Variants in CTNNA2 observed in about 807,000 individuals in gnomAD.
The protein encoded by CTNNA2 is catenin alpha 2, also known as catenin alpha-2.
In CTNNA2, 42 loss-of-function variants were observed where a neutral mutation model predicts 101.0. The observed-to-expected ratio is 0.42, with a 90% CI of 0.32 to 0.54. The LOEUF (loss-of-function observed/expected upper bound fraction) is 0.54, where lower values mean the gene tolerates loss of function less well. Ranked by LOEUF, CTNNA2 falls within the 20% of genes least tolerant of loss-of-function variation. CTNNA2 has a pLI of 0.14. For missense variants in CTNNA2, 871 were observed against 1,223.1 expected, an observed-to-expected ratio of 0.71 and a Z score of 4.29; for synonymous variants, 450 against 456.4, an observed-to-expected ratio of 0.99 and a Z score of 0.18.
At chr2:80,565,112 T>A (rs915354997) in intron 12 of CTNNA2, among the ~76,000 whole-genome samples, 2 of 150,314 alleles carry the variant, frequency 1.3e-5, no homozygotes, top group African/African-American at 5.0e-5. Context: ...TGAAACTGGG[T>A]GGCTGAGTAG....
chr2:80,171,995 G>C (rs1259407234), intron 7 of CTNNA2, among the ~76,000 whole-genome samples: 1 of 151,952 alleles, frequency 6.6e-6, no homozygotes, highest in Non-Finnish European at 1.5e-5. Context: ...ATGAGGGAAA[G>C]CAAAGAGGAA....
At chr2:79,610,266 T>A (rs1488700139) in intron 1 of CTNNA2, among the ~76,000 whole-genome samples, 1 of 152,130 alleles carries the variant, frequency 6.6e-6, no homozygotes, top group African/African-American at 2.4e-5. Context: ...ACTGCAAGTT[T>A]TTGTGAGAAT....
intron 7 of CTNNA2, among the ~76,000 whole-genome samples, chr2:80,114,756 TG>T (rs1031581509): frequency 6.6e-5 from 10 of 152,178 alleles, no homozygotes; most frequent in African/African-American, 2.4e-4. Flanking sequence ...CTGAGATTTT[TG>T]GGTAGGGCCA....
chr2:80,162,271 A>G (rs1396832956), intron 7 of CTNNA2, among the ~76,000 whole-genome samples: 5 of 152,210 alleles, frequency 3.3e-5, no homozygotes, highest in Non-Finnish European at 5.9e-5. Context: ...GTGAAAGGTT[A>G]TTAATGTAAT....
intron 9 of CTNNA2, among the ~76,000 whole-genome samples, chr2:80,432,949 C>G (rs1210000459): frequency 2.0e-5 from 3 of 152,060 alleles, no homozygotes; most frequent in Non-Finnish European, 2.9e-5. Flanking sequence ...TGTAAAATGT[C>G]ATGACAGTTT....
intron 7 of CTNNA2, among the ~76,000 whole-genome samples, chr2:80,013,717 T>A (rs114638173): frequency 0.012 from 1,836 of 152,304 alleles, 39 homozygotes; most frequent in African/African-American, 0.042. Flanking sequence ...TGCGGGGTGA[T>A]GGGTCAAGCA....
At chr2:80,123,666 T>C (rs2148882424) in intron 7 of CTNNA2, among the ~76,000 whole-genome samples, 1 of 152,286 alleles carries the variant, frequency 6.6e-6, no homozygotes, top group East Asian at 1.9e-4. Context: ...CTTTCCTTCC[T>C]ATTTTTGTGA....
At chr2:80,567,740 G>A (rs921516475) in intron 12 of CTNNA2, among the ~76,000 whole-genome samples, 14 of 151,980 alleles carry the variant, frequency 9.2e-5, no homozygotes, top group African/African-American at 2.9e-4. Context: ...AATCTTTACC[G>A]AATTCCAACT....
At chr2:79,373,602 G>A (rs1187692152) in intron 3 of CTNNA2, among the ~76,000 whole-genome samples, 3 of 152,078 alleles carry the variant, frequency 2.0e-5, no homozygotes, top group Non-Finnish European at 4.4e-5. Flanking sequence ...TGCCCTAAAT[G>A]AGCCCACAGC....
intron 4 of CTNNA2, among the ~76,000 whole-genome samples, chr2:79,477,168 C>CTTTTTTTTTTTTTTTTTTTTTT (rs5832392): frequency 2.4e-5 from 3 of 123,148 alleles, no homozygotes; most frequent in Non-Finnish European, 3.3e-5. Flanking sequence ...TCTTTTTTTT[C>CTTTTTTTTTTTTTTTTTTTTTT]TTTTTTTTTT....
intron 7 of CTNNA2, among the ~76,000 whole-genome samples, chr2:80,069,043 C>A (rs1170902991): frequency 6.6e-6 from 1 of 152,114 alleles, no homozygotes; most frequent in Non-Finnish European, 1.5e-5. Context: ...GCCAAAATGT[C>A]CCCTGATAGG....
At chr2:80,345,681 G>A (rs1672671115) in intron 7 of CTNNA2, among the ~76,000 whole-genome samples, 1 of 151,874 alleles carries the variant, frequency 6.6e-6, no homozygotes, top group African/African-American at 2.4e-5. Context: ...TTGAATGAAT[G>A]ACTCAATAGT....
chr2:79,229,605 G>A (rs534167901), intron 2 of CTNNA2, among the ~76,000 whole-genome samples: 1 of 152,254 alleles, frequency 6.6e-6, no homozygotes, highest in African/African-American at 2.4e-5. Flanking sequence ...ACAGTAAATT[G>A]GTTCCAGTAG....
At chr2:80,626,692 G>C (rs927980804) in intron 18 of CTNNA2, among the ~76,000 whole-genome samples, 1 of 151,906 alleles carries the variant, frequency 6.6e-6, no homozygotes, top group Non-Finnish European at 1.5e-5. Context: ...CAAGAATTTG[G>C]GGAATGGAAA....
chr2:79,916,273 A>G (rs1329952718), intron 7 of CTNNA2, among the ~76,000 whole-genome samples: 2 of 152,160 alleles, frequency 1.3e-5, no homozygotes, highest in Admixed American at 1.3e-4. Context: ...ACGCAAAATT[A>G]AGAGCTGCCT....
At chr2:80,522,087 C>T (rs1159517309) in intron 9 of CTNNA2, among the ~76,000 whole-genome samples, 1 of 152,194 alleles carries the variant, frequency 6.6e-6, no homozygotes, top group African/African-American at 2.4e-5. Context: ...CCCACAAGGC[C>T]AACCTGGATC....
At chr2:79,548,626 A>G (rs1217914017) in intron 1 of CTNNA2, among the ~76,000 whole-genome samples, 1 of 152,176 alleles carries the variant, frequency 6.6e-6, no homozygotes, top group Non-Finnish European at 1.5e-5. Context: ...TGCATCACTT[A>G]TTTGTATATG....
At chr2:80,504,582 A>G (rs1302865402) in intron 9 of CTNNA2, among the ~76,000 whole-genome samples, 1 of 152,180 alleles carries the variant, frequency 6.6e-6, no homozygotes, top group African/African-American at 2.4e-5. Context: ...ATGAAGCCAG[A>G]GAGAGCAAGG....
Position 80,352,995 on chromosome 2 carries a change from T to C in CTNNA2, c.1057-40216T>C, listed in dbSNP as rs550867047. Among the ~76,000 whole-genome samples the C allele has an allele frequency of 2.6e-5, 4 of 152,122 alleles. 1 individual carries two copies. Among genetic ancestry groups the C allele is most frequent in the Admixed American group, 1.3e-4 (2 of 15,258 alleles). On this transcript the variant is annotated intron_variant, in intron 7 of 18. Coordinates refer to ENST00000402739, the MANE Select transcript of CTNNA2 (RefSeq NM_001282597.3). ...TCATTACATCTATTAGGACAGTACA[T>C]GTATCAGTGCTTGAGAAGACAAAAC...
Sources: gnomAD v4.1 joint callset for allele counts (sites outside exome capture counted in the v4.1 genomes callset) on GRCh38, gnomAD v4.1.1 for gene constraint, MANE v1.5 for transcripts, NCBI Gene and HGNC (gene_info 2026-07-23, HGNC 2026-07-21) for gene names.